CCDC148: variants seen among roughly 807,000 people sequenced by gnomAD.
CCDC148 encodes coiled-coil domain-containing protein 148.
Under a neutral mutation model 85.7 loss-of-function variants are expected in CCDC148, and 89 were observed. That is an observed-to-expected ratio of 1.04 (90% CI 0.87 to 1.24). The LOEUF is 1.24. Ranked by LOEUF, CCDC148 falls within the 50% of genes most tolerant of loss-of-function variation. The probability of loss-of-function intolerance (pLI) is 0.00; values close to 1 mark genes in which losing one functional copy is unlikely to be tolerated. For synonymous variants in CCDC148, 230 were observed against 213.9 expected, an observed-to-expected ratio of 1.08 and a Z score of -0.66; for missense variants, 692 against 671.7, an observed-to-expected ratio of 1.03 and a Z score of -0.33.
intron 1 of CCDC148, among the ~76,000 whole-genome samples, chr2:158,433,091 A>ATATATAT (rs57287790): frequency 7.0e-4 from 36 of 51,336 alleles, no homozygotes; most frequent in Middle Eastern, 0.016. Flanking sequence ...AAAAAAAAAA[A>ATATATAT]ATATATATAT....
At chr2:158,345,447 C>A in intron 2 of CCDC148, 129 bp from the exon 3 acceptor site, 1 of 557,606 alleles carries the variant, frequency 1.8e-6, no homozygotes. Context: ...AGTGCATCTC[C>A]TAACACAAAA....
rs1471421537 is a variant in CCDC148 at position 158,437,155 on chromosome 2, C to A, written c.25+19260G>T. On this transcript the variant is annotated intron_variant, in intron 1 of 13. Transcript: ENST00000283233. ...GGCCAGCATCATCCTGATACCAAAG[C>A]CTGGCAGAGACACAACCAAAAAAGA... is the stretch of plus-strand genomic sequence containing the variant. 2.6e-5 allele frequency among the ~76,000 whole-genome samples: 4 copies of A among 152,136 alleles called. No homozygotes were observed. In the South Asian group the frequency reaches 8.3e-4, roughly 32 times the overall value.
chr2:158,295,853 T>C (rs1487025924), intron 9 of CCDC148, among the ~76,000 whole-genome samples: 1 of 151,710 alleles, frequency 6.6e-6, no homozygotes, highest in Non-Finnish European at 1.5e-5. Flanking sequence ...CTATTCAACA[T>C]AGTGTTGGAA....
chr2:158,283,538 C>G (rs962247960), intron 9 of CCDC148, among the ~76,000 whole-genome samples: 1 of 152,214 alleles, frequency 6.6e-6, no homozygotes, highest in Non-Finnish European at 1.5e-5. Flanking sequence ...CTCATCATCA[C>G]TGGCCATCAG....
rs368428656 is a variant in CCDC148 at position 158,358,531 on chromosome 2, A to C, written c.65T>G (p.Ile22Ser). The C allele has an allele frequency of 2.3e-5, 37 of 1,597,204 alleles. No homozygotes were observed. In the East Asian group the frequency reaches 3.4e-4, roughly 15 times the overall value. Reference sequence around the variant, plus strand: ...TTGATAGTCTACTGGTTTGTACTTGATGTTTCTCATCTCATTTTTCATATG... The same window carrying C: ...TTGATAGTCTACTGGTTTGTACTTGCTGTTTCTCATCTCATTTTTCATATG... ...VFHMKNEMRNIKYKPVDYQQL... is the reference protein window; with the variant it reads ...VFHMKNEMRNSKYKPVDYQQL... Residue 22 changes from isoleucine (I) to serine (S), a missense_variant, in exon 2 of 14, where the codon ATC becomes AGC. Transcript: ENST00000283233.
intron 1 of CCDC148, among the ~76,000 whole-genome samples, chr2:158,364,599 G>C (rs898230554): frequency 3.9e-5 from 6 of 152,264 alleles, no homozygotes; most frequent in Admixed American, 2.6e-4. Context: ...TGGGAAAATT[G>C]GCTAGCCATA....
chr2:158,186,909 T>C (rs895082934), intron 11 of CCDC148, among the ~76,000 whole-genome samples: 5 of 152,066 alleles, frequency 3.3e-5, no homozygotes, highest in African/African-American at 1.2e-4. Flanking sequence ...AAAGGCATTG[T>C]CAACAGCATC....
chr2:158,215,241 A>G (rs1426188753), intron 11 of CCDC148, among the ~76,000 whole-genome samples: 1 of 152,216 alleles, frequency 6.6e-6, no homozygotes, highest in Non-Finnish European at 1.5e-5. Context: ...AGCTCATATC[A>G]CTCATTAAAA....
intron 7 of CCDC148, among the ~76,000 whole-genome samples, chr2:158,323,454 C>A (rs1692614145): frequency 6.6e-6 from 1 of 152,078 alleles, no homozygotes; most frequent in African/African-American, 2.4e-5. Context: ...AATACAGCAA[C>A]TTGAAACTTA....
intron 9 of CCDC148, among the ~76,000 whole-genome samples, chr2:158,276,613 C>T (rs1236278413): frequency 1.3e-5 from 2 of 151,146 alleles, no homozygotes; most frequent in African/African-American, 2.5e-5. Context: ...TCATTATACT[C>T]GTGAGCTGCC....
chr2:158,437,473 T>C (rs1332205381), intron 1 of CCDC148, among the ~76,000 whole-genome samples: 1 of 152,150 alleles, frequency 6.6e-6, no homozygotes. Context: ...TGATGGGACA[T>C]ATCTCAAAAT....
chr2:158,325,921 C>A (rs1165899904), intron 7 of CCDC148, among the ~76,000 whole-genome samples: 5 of 152,146 alleles, frequency 3.3e-5, no homozygotes, highest in African/African-American at 9.7e-5. Flanking sequence ...TATCTTCTTG[C>A]ACTTCTACCC....
At chr2:158,401,214 C>T (rs754562685) in intron 1 of CCDC148, among the ~76,000 whole-genome samples, 2 of 151,958 alleles carry the variant, frequency 1.3e-5, no homozygotes, top group Admixed American at 6.6e-5. Flanking sequence ...TATACCCAAA[C>T]GATTATAAAT....
At chr2:158,215,378 A>C (rs1481412416) in intron 11 of CCDC148, among the ~76,000 whole-genome samples, 2 of 152,204 alleles carry the variant, frequency 1.3e-5, no homozygotes, top group Non-Finnish European at 2.9e-5. Flanking sequence ...GCTCTACAAA[A>C]ATGACCCATG....
Position 158,220,709 on chromosome 2 carries a change from T to A in CCDC148, c.1256A>T (p.Lys419Ile). The change falls in exon 11 of 14, where the codon AAA (lysine) becomes ATA (isoleucine). Residue 419 changes from lysine to isoleucine, a missense_variant. Transcript: ENST00000283233. Reference protein sequence around the residue: ...LQRAEKKKKIKKYWAKKKQKW... With the variant: ...LQRAEKKKKIIKYWAKKKQKW... Reference sequence around the variant, plus strand: ...CTGTTTTTTCTTGGCCCAGTATTTTTTTATCTATTGTATAAATGTTACATA... The same window carrying A: ...CTGTTTTTTCTTGGCCCAGTATTTTATTATCTATTGTATAAATGTTACATA... 6.4e-7 allele frequency: 1 copy of A among 1,574,140 alleles called. No homozygotes were observed. The highest frequency in any genetic ancestry group is 8.6e-7 in the Non-Finnish European group (1 of 1,164,390).
intron 1 of CCDC148, among the ~76,000 whole-genome samples, chr2:158,422,142 C>CA (rs1314374980): frequency 2.0e-5 from 3 of 152,126 alleles, no homozygotes; most frequent in Non-Finnish European, 4.4e-5. Context: ...GATTCACAGC[C>CA]AAATTCTAGC....
intron 1 of CCDC148, among the ~76,000 whole-genome samples, chr2:158,437,467 G>A (rs1408168999): frequency 1.3e-5 from 2 of 152,092 alleles, no homozygotes; most frequent in Admixed American, 6.5e-5. Context: ...AGGTATTGAT[G>A]GGACATATCT....
intron 10 of CCDC148, among the ~76,000 whole-genome samples, chr2:158,232,955 G>A (rs1272189805): frequency 2.6e-5 from 4 of 152,140 alleles, no homozygotes; most frequent in Non-Finnish European, 5.9e-5. Context: ...AATAGCACCA[G>A]TAGGATGACT....
intron 7 of CCDC148, among the ~76,000 whole-genome samples, chr2:158,330,872 T>TTA (rs1368851311): frequency 2.0e-5 from 3 of 152,302 alleles, no homozygotes; most frequent in Non-Finnish European, 4.4e-5. Context: ...TTATCATTTT[T>TTA]TATTGTGTCT....
Sources: gnomAD v4.1 joint callset for allele counts (sites outside exome capture counted in the v4.1 genomes callset) on GRCh38, gnomAD v4.1.1 for gene constraint, MANE v1.5 for transcripts, NCBI Gene and HGNC (gene_info 2026-07-23, HGNC 2026-07-21) for gene names.